Variants in VPS13D observed in about 807,000 individuals in gnomAD.
VPS13D encodes intermembrane lipid transfer protein VPS13D.
In VPS13D, 187 loss-of-function variants were observed where a neutral mutation model predicts 461.9. The observed-to-expected ratio is 0.40, with a 90% CI of 0.36 to 0.46. The LOEUF is 0.46. VPS13D is among the 20% of genes least tolerant of loss of function. The probability of loss-of-function intolerance (pLI) is 0.60; values close to 1 mark genes in which losing one functional copy is unlikely to be tolerated. For missense variants in VPS13D, 4,711 were observed against 5,364.9 expected, an observed-to-expected ratio of 0.88 and a Z score of 3.81; for synonymous variants, 1,951 against 1,986.3, an observed-to-expected ratio of 0.98 and a Z score of 0.47.
chr1:12,358,452 C>G lies in VPS13D; in HGVS notation c.9999-7C>G. Reference sequence around the variant, plus strand: ...AATATCTACATCTTTGCTTTTCTGCCCCACAGCTGCACGATGAGAATCGGA... The same window carrying G: ...AATATCTACATCTTTGCTTTTCTGCGCCACAGCTGCACGATGAGAATCGGA... On this transcript the variant is annotated splice_region_variant and splice_polypyrimidine_tract_variant and intron_variant, in intron 49 of 69. Coordinates refer to ENST00000620676, the MANE Select transcript of VPS13D (RefSeq NM_015378.4). The G allele has an allele frequency of 6.2e-7, 1 of 1,613,688 alleles. No homozygotes were observed. The highest frequency in any genetic ancestry group is 8.5e-7 in the Non-Finnish European group (1 of 1,179,856).
chr1:12,497,772 GT>G, intron 68 of VPS13D, 141 bp downstream of exon 68: 1 of 1,123,770 alleles, frequency 8.9e-7, no homozygotes, highest in Non-Finnish European at 1.2e-6. Flanking sequence ...TGCCCCAAAT[GT>G]TTTTTAGATT....
chr1:12,508,828 G>T, intron 69 of VPS13D, 65 bp from the exon 70 acceptor site: 1 of 1,580,658 alleles, frequency 6.3e-7, no homozygotes, highest in Non-Finnish European at 8.6e-7. Flanking sequence ...CCGCCACCTG[G>T]GTGGATCTGA....
chr1:12,282,140 G>A lies in VPS13D; in HGVS notation c.4603-565G>A, dbSNP rs528056503. Among the ~76,000 whole-genome samples, 10 of 152,198 alleles carry A rather than the reference G, an allele frequency of 6.6e-5. No homozygotes were observed. In the South Asian group the frequency reaches 1.5e-3, roughly 22 times the overall value. On this transcript the variant is annotated intron_variant, in intron 20 of 69. Transcript: ENST00000620676. Reference sequence around the variant, plus strand: ...TGGGCTCACACAGTCTGCCTGCCTCGGCCTCTCAAAGGGCTGGGATTACAG... The same window carrying A: ...TGGGCTCACACAGTCTGCCTGCCTCAGCCTCTCAAAGGGCTGGGATTACAG...
At chr1:12,273,657 G>A (rs908528949) in intron 18 of VPS13D, among the ~76,000 whole-genome samples, 1 of 152,114 alleles carries the variant, frequency 6.6e-6, no homozygotes, top group Non-Finnish European at 1.5e-5. Context: ...GCCATATGTG[G>A]CCTTTTTTGT....
chr1:12,376,715 A>G (rs1644203848), intron 55 of VPS13D, among the ~76,000 whole-genome samples: 1 of 152,232 alleles, frequency 6.6e-6, no homozygotes, highest in Admixed American at 6.5e-5. Context: ...CTGTCCGGCC[A>G]GGGGTAGCAT....
At chr1:12,375,681 C>G (rs1417419478) in intron 55 of VPS13D, among the ~76,000 whole-genome samples, 1 of 152,226 alleles carries the variant, frequency 6.6e-6, no homozygotes, top group Non-Finnish European at 1.5e-5. Context: ...TCTTCCCACC[C>G]TGTCCTTCGC....
At chr1:12,302,637 C>G (rs1265727739) in intron 25 of VPS13D, among the ~76,000 whole-genome samples, 1 of 152,116 alleles carries the variant, frequency 6.6e-6, no homozygotes, top group Non-Finnish European at 1.5e-5. Context: ...TTTTTTGCAA[C>G]CTGACTATTC....
In VPS13D at chr1:12,363,175, T is replaced by C. The variant is rs756820753; in HGVS notation, c.10376T>C (p.Met3459Thr). 12 of 1,614,246 alleles carry C rather than the reference T, an allele frequency of 7.4e-6. No individual in the cohort carries two copies. The Admixed American group carries it at 2.0e-4, about 27-fold the overall frequency. The change falls in exon 52 of 70, where the codon ATG (methionine) becomes ACG (threonine). Residue 3459 changes from methionine (M) to threonine (T), a missense_variant. This residue lies in a region of VPS13D where 4,411 missense variants were observed against 4,937.8 expected (regional missense o/e 0.89). Coordinates refer to ENST00000620676, the MANE Select transcript of VPS13D (RefSeq NM_015378.4). ...GATCAGCTATTGTGTGTCAGACTGA[T>C]GGACGTTCCCAATTGTATTTGGTCT... is the stretch of plus-strand genomic sequence containing the variant. ...DYDQLLCVRL[M>T]DVPNCIWSGG...
intron 60 of VPS13D, among the ~76,000 whole-genome samples, chr1:12,394,269 C>T (rs1644466821): frequency 6.6e-6 from 1 of 152,130 alleles, no homozygotes; most frequent in African/African-American, 2.4e-5. Flanking sequence ...GTCCATTCAA[C>T]CTAGAAGTTT....
Position 12,473,592 on chromosome 1 carries a change from T to C in VPS13D, c.12662+13196T>C, listed in dbSNP as rs1645591196. On this transcript the variant is annotated intron_variant, in intron 67 of 69. Coordinates refer to ENST00000620676, the MANE Select transcript of VPS13D (RefSeq NM_015378.4). The surrounding 1 kb of genome is among the most constrained non-coding windows in gnomAD (Gnocchi z 4.2). ...TGGTTACGTGGATTAAATTATATCATGTATATAAAGCACTCAGCCTGGCAT... is the reference window on the plus strand; with the variant it reads ...TGGTTACGTGGATTAAATTATATCACGTATATAAAGCACTCAGCCTGGCAT... 6.6e-6 allele frequency among the ~76,000 whole-genome samples: 1 copy of C among 152,098 alleles called. No homozygotes were observed. Among genetic ancestry groups the C allele is most frequent in the African/African-American group, 2.4e-5 (1 of 41,414 alleles).
At chr1:12,319,387 A>G (rs1642972358) in intron 31 of VPS13D, 110 bp from the exon 32 acceptor site, 4 of 1,458,960 alleles carry the variant, frequency 2.7e-6, no homozygotes, top group Admixed American at 1.9e-5. Flanking sequence ...GAAAAATCTT[A>G]CTGGTTCATG....
intron 29 of VPS13D, 121 bp downstream of exon 29, chr1:12,312,046 A>ACG: frequency 2.5e-6 from 2 of 796,198 alleles, no homozygotes; most frequent in Non-Finnish European, 2.0e-6. Flanking sequence ...TTGTCTGCAG[A>ACG]GTGTCTTTTG....
intron 7 of VPS13D, among the ~76,000 whole-genome samples, chr1:12,254,579 A>G (rs1170985185): frequency 1.6e-5 from 2 of 123,086 alleles, no homozygotes; most frequent in Non-Finnish European, 3.1e-5. Context: ...GCTGGAGTGC[A>G]GTGGCGTAAT....
chr1:12,445,607 G>T (rs1645182470), intron 65 of VPS13D, among the ~76,000 whole-genome samples: 1 of 152,218 alleles, frequency 6.6e-6, no homozygotes, highest in Non-Finnish European at 1.5e-5. Context: ...GGACATCCTA[G>T]GCAAATCCTA....
chr1:12,371,353 G>A (rs1048536755), intron 54 of VPS13D, among the ~76,000 whole-genome samples: 2 of 151,394 alleles, frequency 1.3e-5, no homozygotes, highest in South Asian at 2.1e-4. Context: ...ATGTATCTGC[G>A]GTTTATACAC....
chr1:12,231,988 C>G (rs942958835), intron 1 of VPS13D, among the ~76,000 whole-genome samples: 3 of 152,256 alleles, frequency 2.0e-5, no homozygotes, highest in African/African-American at 7.2e-5. Flanking sequence ...GAGCAACACT[C>G]TGTCTCCAGA....
intron 54 of VPS13D, among the ~76,000 whole-genome samples, chr1:12,371,315 T>C (rs1644112868): frequency 6.6e-6 from 1 of 152,168 alleles, no homozygotes; most frequent in African/African-American, 2.4e-5. Flanking sequence ...GAGTGATCTT[T>C]TTTGTCTGGA....
intron 63 of VPS13D, among the ~76,000 whole-genome samples, chr1:12,406,529 A>G (rs1191431957): frequency 6.6e-6 from 1 of 152,244 alleles, no homozygotes; most frequent in East Asian, 1.9e-4. Context: ...TCAGGTTTAC[A>G]CTGAGGGTAC....
intron 65 of VPS13D, chr1:12,453,999 T>C (rs149879899): frequency 1.9e-4 from 29 of 152,320 alleles, no homozygotes; most frequent in African/African-American, 6.7e-4. Flanking sequence ...ATGACCATAA[T>C]TCTAAACCTT....
Sources: gnomAD v4.1 joint callset for allele counts (sites outside exome capture counted in the v4.1 genomes callset) on GRCh38, gnomAD v4.1.1 for gene constraint, gnomAD v4.1.1 regional missense constraint, Gnocchi (gnomAD v3.1) non-coding constraint, MANE v1.5 for transcripts, NCBI Gene and HGNC (gene_info 2026-07-23, HGNC 2026-07-21) for gene names.